Variants in CERS6 observed in about 807,000 individuals in gnomAD.
The protein encoded by CERS6 is LAG1 homolog, ceramide synthase 6.
In CERS6, 26 loss-of-function variants were observed where a neutral mutation model predicts 56.8. The observed-to-expected ratio is 0.46, with a 90% CI of 0.34 to 0.63. The LOEUF (loss-of-function observed/expected upper bound fraction) is 0.63. Ranked by LOEUF, CERS6 falls within the 30% of genes least tolerant of loss-of-function variation. CERS6 has a pLI of 0.01. For synonymous variants in CERS6, 164 were observed against 173.3 expected (o/e 0.95, Z 0.42); for missense variants, 415 against 467.5 (o/e 0.89, Z 1.04).
At chr2:168,497,218 T>C (rs1335863398) in intron 1 of CERS6, among the ~76,000 whole-genome samples, 2 of 152,192 alleles carry the variant, frequency 1.3e-5, no homozygotes, top group African/African-American at 4.8e-5. Context: ...GACTGAGTTA[T>C]GTGTTAGAAA....
At chr2:168,518,321 G>A (rs538291113) in intron 1 of CERS6, among the ~76,000 whole-genome samples, 1 of 152,342 alleles carries the variant, frequency 6.6e-6, no homozygotes, top group African/African-American at 2.4e-5. Context: ...CATAGGCTCA[G>A]TGTCTTCTGA....
chr2:168,718,670 G>C (rs1334161256), intron 8 of CERS6, among the ~76,000 whole-genome samples: 1 of 152,198 alleles, frequency 6.6e-6, no homozygotes, highest in Non-Finnish European at 1.5e-5. Flanking sequence ...CGTTGACCAA[G>C]AGGGATTCCT....
intron 1 of CERS6, among the ~76,000 whole-genome samples, chr2:168,471,702 A>G (rs1440008019): frequency 6.6e-6 from 1 of 152,156 alleles, no homozygotes; most frequent in Non-Finnish European, 1.5e-5. Flanking sequence ...CTAATTCTTT[A>G]TTCAGGGGTC....
chr2:168,723,842 G>A (rs547293271), intron 8 of CERS6, among the ~76,000 whole-genome samples: 1 of 152,300 alleles, frequency 6.6e-6, no homozygotes, highest in South Asian at 2.1e-4. Context: ...CCTGTTCTCT[G>A]TAACAACATT....
intron 3 of CERS6, among the ~76,000 whole-genome samples, chr2:168,566,142 A>G (rs1381578219): frequency 1.3e-5 from 2 of 152,170 alleles, no homozygotes; most frequent in African/African-American, 4.8e-5. Context: ...CGTGCAGTAC[A>G]TTTCATAGCA....
At chr2:168,618,234 AT>A (rs1295798332) in intron 3 of CERS6, among the ~76,000 whole-genome samples, 1 of 152,198 alleles carries the variant, frequency 6.6e-6, no homozygotes, top group Non-Finnish European at 1.5e-5. Flanking sequence ...ACATACCTGA[AT>A]GTAAGAAAAG....
At chr2:168,655,784 A>G (rs1423158095) in intron 4 of CERS6, among the ~76,000 whole-genome samples, 1 of 152,260 alleles carries the variant, frequency 6.6e-6, no homozygotes, top group Non-Finnish European at 1.5e-5. Flanking sequence ...GAACCAGTCT[A>G]GAGACCTAAT....
chr2:168,647,460 A>G (rs542809202), intron 4 of CERS6, among the ~76,000 whole-genome samples: 2 of 152,326 alleles, frequency 1.3e-5, no homozygotes, highest in South Asian at 4.1e-4. Flanking sequence ...TTGTCTGCAA[A>G]CAGAGATACT....
At chr2:168,493,365 T>A (rs768489604) in intron 1 of CERS6, among the ~76,000 whole-genome samples, 21 of 152,120 alleles carry the variant, frequency 1.4e-4, no homozygotes, top group Non-Finnish European at 2.6e-4. Context: ...GCCTCCTGTC[T>A]ACTCACTCTT....
intron 1 of CERS6, among the ~76,000 whole-genome samples, chr2:168,496,635 TG>T (rs1694476633): frequency 6.6e-6 from 1 of 152,166 alleles, no homozygotes. Context: ...GGGAGTCCCA[TG>T]AAATTAATTT....
chr2:168,706,254 C>A (rs11675308), intron 6 of CERS6, among the ~76,000 whole-genome samples: 19,164 of 152,210 alleles, frequency 0.13, 1,803 homozygotes, highest in East Asian at 0.41. Context: ...CAGAAGCTAA[C>A]CAACAGCACT....
chr2:168,755,481 A>T (rs2105451118), intron 8 of CERS6, among the ~76,000 whole-genome samples: 1 of 152,268 alleles, frequency 6.6e-6, no homozygotes, highest in East Asian at 1.9e-4. Flanking sequence ...TTCTCTAGGG[A>T]ATGTGCAAAA....
At chr2:168,708,741 C>T (rs1687018881) in intron 6 of CERS6, among the ~76,000 whole-genome samples, 1 of 152,084 alleles carries the variant, frequency 6.6e-6, no homozygotes, top group Non-Finnish European at 1.5e-5. Flanking sequence ...CATGTCTGTG[C>T]ACATCTAAAT....
intron 3 of CERS6, among the ~76,000 whole-genome samples, chr2:168,580,060 A>G (rs1270267167): frequency 1.3e-5 from 2 of 152,182 alleles, no homozygotes; most frequent in East Asian, 1.9e-4. Flanking sequence ...GCCATTTAAC[A>G]AGTATTCCCA....
At chr2:168,561,545 G>C (rs1339001060) in intron 3 of CERS6, among the ~76,000 whole-genome samples, 1 of 152,106 alleles carries the variant, frequency 6.6e-6, no homozygotes, top group African/African-American at 2.4e-5. Flanking sequence ...TTTCTACAAA[G>C]TAAGCATATT....
At chr2:168,701,677 C>T (rs946257656) in intron 6 of CERS6, among the ~76,000 whole-genome samples, 1 of 151,908 alleles carries the variant, frequency 6.6e-6, no homozygotes, top group Non-Finnish European at 1.5e-5. Context: ...CCGAGGATAC[C>T]AAAATTCATG....
intron 4 of CERS6, among the ~76,000 whole-genome samples, chr2:168,675,252 G>T (rs1023506338): frequency 1.3e-5 from 2 of 152,006 alleles, no homozygotes; most frequent in Non-Finnish European, 2.9e-5. Flanking sequence ...GATTACAGGC[G>T]TGAGCCACCG....
chr2:168,651,461 A>T (rs1378294334), intron 4 of CERS6, among the ~76,000 whole-genome samples: 1 of 152,242 alleles, frequency 6.6e-6, no homozygotes, highest in Non-Finnish European at 1.5e-5. Flanking sequence ...GTTCGTTTTC[A>T]TACTTGCTGT....
At chr2:168,608,236 G>A (rs975625662) in intron 3 of CERS6, among the ~76,000 whole-genome samples, 7 of 152,160 alleles carry the variant, frequency 4.6e-5, no homozygotes, top group African/African-American at 1.7e-4. Context: ...CATTTGAATG[G>A]ATATACCTCA....
Sources: allele counts gnomAD v4.1 joint callset (sites outside exome capture counted in the v4.1 genomes callset), GRCh38; gene constraint gnomAD v4.1.1; transcripts MANE v1.5; gene names NCBI Gene and HGNC (gene_info 2026-07-23, HGNC 2026-07-21).